KIT: variants seen among roughly 807,000 people sequenced by gnomAD.
The protein encoded by KIT is KIT proto-oncogene, receptor tyrosine kinase.
A neutral mutation model predicts 105.7 loss-of-function variants in KIT; 16 were observed. The ratio of observed to expected loss-of-function variants is 0.15; its 90% CI spans 0.10 to 0.23. KIT has a LOEUF of 0.23. Among genes scored for constraint, KIT ranks in the 10% least tolerant of loss-of-function variants. KIT has a pLI of 1.00. For synonymous variants in KIT, 438 were observed against 441.1 expected, an observed-to-expected ratio of 0.99 and a Z score of 0.09; for missense variants, 858 against 1,213.8, an observed-to-expected ratio of 0.71 and a Z score of 4.36.
At chr4:54,684,582 A>T (rs1719181262) in intron 1 of KIT, among the ~76,000 whole-genome samples, 1 of 152,034 alleles carries the variant, frequency 6.6e-6, no homozygotes, top group African/African-American at 2.4e-5. Context: ...CTGTGTCTTC[A>T]TGCTGCCATC....
At chr4:54,672,872 A>G (rs918137387) in intron 1 of KIT, among the ~76,000 whole-genome samples, 2 of 152,334 alleles carry the variant, frequency 1.3e-5, no homozygotes, top group East Asian at 3.9e-4. Flanking sequence ...TTATATGTCC[A>G]CAACGGCGAG....
Position 54,698,318 on chromosome 4 carries a change from G to A in KIT, c.372G>A (p.Leu124=), listed in dbSNP as rs775690281. 106 of 1,613,898 alleles carry A rather than the reference G, an allele frequency of 6.6e-5. No individual in the cohort carries two copies. Among genetic ancestry groups the A allele is most frequent in the Non-Finnish European group, 1.2e-5 (14 of 1,179,980 alleles). The change falls in exon 3 of 21, where the codon TTG becomes TTA. Residue 124 remains leucine (L), a synonymous_variant. Transcript: ENST00000288135. ...PAKLFLVDRS[L]YGKEDNDTLV... ...AGCTTTTCCTTGTTGACCGCTCCTT[G>A]TATGGGAAAGAAGACAACGACACGC...
In KIT at chr4:54,736,746, G is replaced by C. The variant is rs55817813; in HGVS notation, c.2622G>C (p.Pro874=). 1.2e-6 allele frequency: 2 copies of C among 1,613,940 alleles called. No individual in the cohort carries two copies. Among genetic ancestry groups the C allele is most frequent in the African/African-American group, 2.7e-5 (2 of 74,902 alleles). ...GAAGCAGCCCCTATCCTGGAATGCCGGTCGATTCTAAGTTCTACAAGATGA... is the reference window on the plus strand; with the variant it reads ...GAAGCAGCCCCTATCCTGGAATGCCCGTCGATTCTAAGTTCTACAAGATGA... The part of the protein sequence containing the change: ...SLGSSPYPGM[P]VDSKFYKMIK... Residue 874 remains proline, a synonymous_variant, in exon 19 of 21, where the codon CCG becomes CCC. Coordinates refer to ENST00000288135, the MANE Select transcript of KIT (RefSeq NM_000222.3).
intron 1 of KIT, among the ~76,000 whole-genome samples, chr4:54,684,056 G>A (rs929996936): frequency 1.3e-5 from 2 of 152,180 alleles, no homozygotes; most frequent in Admixed American, 1.3e-4. Flanking sequence ...TGTGGTTTAA[G>A]GCAGAAAACT....
chr4:54,685,245 C>A (rs138122281), intron 1 of KIT, among the ~76,000 whole-genome samples: 442 of 152,284 alleles, frequency 2.9e-3, no homozygotes, highest in Admixed American at 5.4e-3. Flanking sequence ...CAGTAAGACT[C>A]CAGAGTATAT....
At chr4:54,724,884 G>C (rs1053223498) in intron 8 of KIT, among the ~76,000 whole-genome samples, 6 of 152,148 alleles carry the variant, frequency 3.9e-5, no homozygotes, top group Admixed American at 3.9e-4. Context: ...CTAGTGGGTA[G>C]AAACACATAA....
chr4:54,673,895 G>C (rs58709258), intron 1 of KIT, among the ~76,000 whole-genome samples: 7 of 151,972 alleles, frequency 4.6e-5, no homozygotes, highest in African/African-American at 1.7e-4. Flanking sequence ...TCAGCCTCCC[G>C]AGTAGCTGGG....
intron 1 of KIT, among the ~76,000 whole-genome samples, chr4:54,669,413 C>T (rs1041847772): frequency 1.3e-5 from 2 of 152,238 alleles, no homozygotes; most frequent in African/African-American, 4.8e-5. Context: ...TGAGGTGGGT[C>T]CCCCACGGGG....
At chr4:54,733,409 A>G (rs1722726159) in intron 17 of KIT, 1 of 486,144 alleles carries the variant, frequency 2.1e-6, no homozygotes, top group Non-Finnish European at 3.7e-6. Flanking sequence ...TAATTGTGTA[A>G]TTTTGGGGCA....
At chr4:54,725,678 C>G (rs1044838345) in intron 8 of KIT, among the ~76,000 whole-genome samples, 179 bp from the exon 9 acceptor site, 4 of 152,178 alleles carry the variant, frequency 2.6e-5, no homozygotes, top group African/African-American at 9.7e-5. Flanking sequence ...CTTCTCTTCC[C>G]CAGTGCTTTT....
chr4:54,674,388 C>G lies in KIT; in HGVS notation c.67+16307C>G, dbSNP rs1012434579. Among the ~76,000 whole-genome samples, 13 of 152,326 alleles carry G rather than the reference C, an allele frequency of 8.5e-5. No individual in the cohort carries two copies. In the East Asian group the frequency reaches 2.5e-3, roughly 29 times the overall value. On this transcript the variant is annotated intron_variant, in intron 1 of 20. Transcript: ENST00000288135. ...CTCTGTCTACTCTCAGGATGACCCT[C>G]TGAGCTTTCCAGTGAGTGCCTGATA...
chr4:54,665,283 C>T (rs1352374420), intron 1 of KIT, among the ~76,000 whole-genome samples: 1 of 152,182 alleles, frequency 6.6e-6, no homozygotes, highest in Non-Finnish European at 1.5e-5. Context: ...TTTACCTGTT[C>T]CTCCTTTGAT....
At chr4:54,665,576 C>T (rs1469825364) in intron 1 of KIT, among the ~76,000 whole-genome samples, 1 of 152,070 alleles carries the variant, frequency 6.6e-6, no homozygotes, top group African/African-American at 2.4e-5. Flanking sequence ...TTCTGTGTGT[C>T]AGGCACTGAT....
At position 54,698,349 on chromosome 4, in the gene KIT, C is replaced by T. The variant is rs754738766; in HGVS notation, c.403C>T (p.Arg135Cys). The T allele has an allele frequency of 8.1e-6, 13 of 1,613,982 alleles. No homozygotes were observed. The highest frequency in any genetic ancestry group is 1.3e-5 in the African/African-American group (1 of 74,928). The change falls in exon 3 of 21, where the codon CGC (arginine) becomes TGC (cysteine). Residue 135 changes from arginine to cysteine, a missense_variant. This residue lies in a region of KIT where 401 missense variants were observed against 601.0 expected (regional missense o/e 0.67). Transcript: ENST00000288135. Reference protein sequence around the residue: ...YGKEDNDTLVRCPLTDPEVTN... With the variant: ...YGKEDNDTLVCCPLTDPEVTN... ...GAAAGAAGACAACGACACGCTGGTC[C>T]GCTGTCCTCTCACAGACCCAGAAGT...
At chr4:54,660,483 T>TC (rs1717174672) in intron 1 of KIT, among the ~76,000 whole-genome samples, 1 of 152,154 alleles carries the variant, frequency 6.6e-6, no homozygotes, top group Non-Finnish European at 1.5e-5. Flanking sequence ...TTCTGTTTTT[T>TC]CCCCCACTCA....
intron 1 of KIT, among the ~76,000 whole-genome samples, chr4:54,679,267 A>G (rs1228264654): frequency 6.6e-6 from 1 of 152,170 alleles, no homozygotes; most frequent in African/African-American, 2.4e-5. Flanking sequence ...GAATGTTTCT[A>G]CCAACTCCAG....
chr4:54,661,401 A>G (rs966419363), intron 1 of KIT, among the ~76,000 whole-genome samples: 11 of 152,098 alleles, frequency 7.2e-5, no homozygotes, highest in African/African-American at 2.4e-4. Flanking sequence ...CTTCGAAGTT[A>G]CCCTTAGGGT....
intron 1 of KIT, among the ~76,000 whole-genome samples, chr4:54,691,189 G>A (rs1719685381): frequency 6.6e-6 from 1 of 152,082 alleles, no homozygotes; most frequent in African/African-American, 2.4e-5. Flanking sequence ...GTGTTTAGGA[G>A]CCTGTCCTGT....
intron 11 of KIT, 90 bp downstream of exon 11, chr4:54,727,632 TC>T: frequency 6.5e-7 from 1 of 1,539,136 alleles, no homozygotes; most frequent in Non-Finnish European, 9.0e-7. Context: ...TTTGTTTTGT[TC>T]CACCTGAAAC....
Sources: gnomAD v4.1 joint callset for allele counts (sites outside exome capture counted in the v4.1 genomes callset) on GRCh38, gnomAD v4.1.1 for gene constraint, gnomAD v4.1.1 regional missense constraint, MANE v1.5 for transcripts, NCBI Gene and HGNC (gene_info 2026-07-23, HGNC 2026-07-21) for gene names.